ADAMTSL1: variants seen among roughly 807,000 people sequenced by gnomAD.
The protein encoded by ADAMTSL1 is ADAMTS-like protein 1.
ADAMTSL1 carries 126 observed loss-of-function variants against 201.8 expected under a neutral mutation model. That is an observed-to-expected ratio of 0.62 (90% confidence interval 0.54 to 0.72). ADAMTSL1 has a LOEUF of 0.72. Among genes scored for constraint, ADAMTSL1 ranks in the 30% least tolerant of loss-of-function variants. ADAMTSL1 has a pLI of 0.00. For missense variants in ADAMTSL1, 2,679 were observed against 2,277.8 expected (o/e 1.18, Z -3.59); for synonymous variants, 1,121 against 903.4 (o/e 1.24, Z -4.32).
intron 23 of ADAMTSL1, among the ~76,000 whole-genome samples, chr9:18,878,406 G>A (rs1476270731): frequency 2.0e-5 from 3 of 152,172 alleles, no homozygotes; most frequent in African/African-American, 7.2e-5. Flanking sequence ...TCTCTCCAAG[G>A]ACCCCTGTAA....
At chr9:18,687,234 T>C (rs188197843) in intron 13 of ADAMTSL1, among the ~76,000 whole-genome samples, 1 of 152,212 alleles carries the variant, frequency 6.6e-6, no homozygotes, top group East Asian at 1.9e-4. Flanking sequence ...TAAGTGTCAC[T>C]TTTTTTTATC....
chr9:18,259,720 T>C (rs1179190603), intron 2 of ADAMTSL1, among the ~76,000 whole-genome samples: 1 of 152,164 alleles, frequency 6.6e-6, no homozygotes, highest in Non-Finnish European at 1.5e-5. Flanking sequence ...TCTTGGGAAC[T>C]GGGGTCTAAT....
At chr9:18,485,013 G>A (rs1024475250) in intron 1 of ADAMTSL1, among the ~76,000 whole-genome samples, 1 of 152,200 alleles carries the variant, frequency 6.6e-6, no homozygotes, top group Admixed American at 6.5e-5. Context: ...ACTCAAGAGA[G>A]TACTTGCTTC....
At chr9:18,685,301 T>A (rs967542344) in intron 13 of ADAMTSL1, among the ~76,000 whole-genome samples, 1 of 152,254 alleles carries the variant, frequency 6.6e-6, no homozygotes, top group African/African-American at 2.4e-5. Flanking sequence ...CACTTGATTA[T>A]GTCCCATGTC....
chr9:18,878,297 G>A (rs1426541611), intron 23 of ADAMTSL1, among the ~76,000 whole-genome samples: 1 of 152,168 alleles, frequency 6.6e-6, no homozygotes, highest in African/African-American at 2.4e-5. Context: ...CCCCTCCCCA[G>A]GATTCTGTCC....
chr9:18,833,900 T>G (rs570802019), intron 23 of ADAMTSL1, among the ~76,000 whole-genome samples: 2 of 152,346 alleles, frequency 1.3e-5, no homozygotes, highest in South Asian at 4.1e-4. Flanking sequence ...TTTAATCTTC[T>G]CTATATGGCT....
chr9:18,228,090 C>A (rs962740890), intron 2 of ADAMTSL1, among the ~76,000 whole-genome samples: 5 of 152,278 alleles, frequency 3.3e-5, no homozygotes, highest in South Asian at 2.1e-4. Context: ...ACCTAAATAC[C>A]TTAGACTGCA....
intron 10 of ADAMTSL1, among the ~76,000 whole-genome samples, chr9:18,677,656 G>T (rs7019258): frequency 1.3e-4 from 19 of 151,750 alleles, no homozygotes; most frequent in South Asian, 6.2e-4. Context: ...GCCTATATTA[G>T]GTTAAAATTG....
intron 1 of ADAMTSL1, among the ~76,000 whole-genome samples, chr9:17,949,372 G>A (rs1485549994): frequency 4.6e-5 from 7 of 152,068 alleles, no homozygotes; most frequent in Admixed American, 3.9e-4. Flanking sequence ...GGTACTGAAG[G>A]GCAGGTCAGT....
At chr9:18,400,738 T>C (rs1281332198) in intron 2 of ADAMTSL1, among the ~76,000 whole-genome samples, 1 of 152,192 alleles carries the variant, frequency 6.6e-6, no homozygotes, top group Non-Finnish European at 1.5e-5. Context: ...GTTGCAAACC[T>C]TGCTTTTACT....
intron 1 of ADAMTSL1, among the ~76,000 whole-genome samples, chr9:17,969,104 T>C (rs563899164): frequency 6.4e-4 from 97 of 152,196 alleles, no homozygotes; most frequent in Admixed American, 1.9e-3. Flanking sequence ...ATTTTTGCTA[T>C]ATGTGTATAC....
chr9:18,680,213 G>A lies in ADAMTSL1; in HGVS notation c.1137-99G>A, dbSNP rs539758118. 1.7e-5 allele frequency: 22 copies of A among 1,265,498 alleles called. No individual in the cohort carries two copies. The South Asian group carries it at 2.7e-4, about 15-fold the overall frequency. The allele number at this position is 1,265,498 out of a possible 1,614,324, so 78.4% of individuals were successfully genotyped here. On this transcript the variant is annotated intron_variant, in intron 10 of 28. Transcript: ENST00000380548. ...TCTGGACCTTAGCCTCTCAGAACCTGATTATACCAATAGACATGGGGAGTG... is the reference window on the plus strand; with the variant it reads ...TCTGGACCTTAGCCTCTCAGAACCTAATTATACCAATAGACATGGGGAGTG...
intron 27 of ADAMTSL1, 38 bp from the exon 28 acceptor site, chr9:18,906,653 AC>A: frequency 6.7e-7 from 1 of 1,488,390 alleles, no homozygotes; most frequent in Non-Finnish European, 9.0e-7. Context: ...TTCAGCCCCC[AC>A]AGAAGCAAAC....
intron 2 of ADAMTSL1, among the ~76,000 whole-genome samples, chr9:18,440,751 A>G (rs1464160080): frequency 8.5e-5 from 13 of 152,096 alleles, no homozygotes; most frequent in Non-Finnish European, 5.9e-5. Flanking sequence ...TCCAGTAATT[A>G]TTACTGACAT....
At chr9:18,002,510 A>G (rs1243483375) in intron 1 of ADAMTSL1, among the ~76,000 whole-genome samples, 2 of 152,066 alleles carry the variant, frequency 1.3e-5, no homozygotes, top group Non-Finnish European at 1.5e-5. Flanking sequence ...TATTATTACT[A>G]GCATAAGAGT....
Position 18,324,411 on chromosome 9 carries a change from AT to A in ADAMTSL1, c.207+160446del, listed in dbSNP as rs112245773. Reference sequence around the variant, plus strand: ...TCATTGTGAAACAGAATACGCAAAGATTTTTTTTTTTTTTTTACAGGGAGCA... The same window carrying A: ...TCATTGTGAAACAGAATACGCAAAGATTTTTTTTTTTTTTTACAGGGAGCA... On this transcript the variant is annotated intron_variant, in intron 2 of 29. Transcript: ENST00000680146. 5.6e-3 allele frequency among the ~76,000 whole-genome samples: 813 copies of A among 144,646 alleles called. 3 individuals carry two copies. The highest frequency in any genetic ancestry group is 0.019 in the South Asian group (86 of 4,476). 94.9% of individuals were successfully genotyped at this position (144,646 alleles called of 152,430 possible).
At chr9:17,996,146 T>G (rs918226517) in intron 1 of ADAMTSL1, among the ~76,000 whole-genome samples, 3 of 149,614 alleles carry the variant, frequency 2.0e-5, no homozygotes, top group African/African-American at 5.0e-5. Flanking sequence ...AACTTACCAG[T>G]GTTCAAAGAG....
intron 3 of ADAMTSL1, among the ~76,000 whole-genome samples, chr9:18,554,777 A>G (rs955809611): frequency 6.6e-6 from 1 of 151,242 alleles, no homozygotes; most frequent in Non-Finnish European, 1.5e-5. Flanking sequence ...AGAAGTTTCC[A>G]TATGTCTCTG....
intron 1 of ADAMTSL1, among the ~76,000 whole-genome samples, chr9:18,050,074 A>T (rs1175483245): frequency 6.6e-6 from 1 of 152,260 alleles, no homozygotes; most frequent in Non-Finnish European, 1.5e-5. Flanking sequence ...GACTTTAGTC[A>T]TCCAGTGGAA....
Sources: gnomAD v4.1 joint callset for allele counts (sites outside exome capture counted in the v4.1 genomes callset) on GRCh38, gnomAD v4.1.1 for gene constraint, MANE v1.5 for transcripts, NCBI Gene and HGNC (gene_info 2026-07-23, HGNC 2026-07-21) for gene names.